CNTN6: variants seen among roughly 807,000 people sequenced by gnomAD.
CNTN6 encodes contactin 6.
CNTN6 carries 137 observed loss-of-function variants against 122.8 expected under a neutral mutation model. That is an observed-to-expected ratio of 1.12 (90% confidence interval 0.97 to 1.29). The LOEUF is 1.29. Among genes scored for constraint, CNTN6 ranks in the 50% most tolerant of loss-of-function variants. CNTN6 has a pLI of 0.00. For synonymous variants in CNTN6, 570 were observed against 426.0 expected, an observed-to-expected ratio of 1.34 and a Z score of -4.16; for missense variants, 1,634 against 1,223.4, an observed-to-expected ratio of 1.34 and a Z score of -5.01.
At chr3:1,321,622 T>A (rs1652100446) in intron 7 of CNTN6, 28 bp from the exon 8 acceptor site, 1 of 1,490,740 alleles carries the variant, frequency 6.7e-7, no homozygotes, top group African/African-American at 1.4e-5. Flanking sequence ...TAAACCGTCT[T>A]CTATTCTAAT....
intron 8 of CNTN6, among the ~76,000 whole-genome samples, chr3:1,323,239 T>C (rs1701104682): frequency 6.6e-6 from 1 of 151,780 alleles, no homozygotes; most frequent in Non-Finnish European, 1.5e-5. Flanking sequence ...TCAGTGATAC[T>C]ATAGGCAAAA....
intron 2 of CNTN6, among the ~76,000 whole-genome samples, chr3:1,200,263 G>A (rs1329449344): frequency 1.3e-5 from 2 of 152,112 alleles, no homozygotes; most frequent in East Asian, 3.9e-4. Flanking sequence ...CGAACTCCTT[G>A]CCTCAAGATA....
intron 5 of CNTN6, among the ~76,000 whole-genome samples, chr3:1,291,196 C>T (rs1212906070): frequency 6.6e-6 from 1 of 152,148 alleles, no homozygotes; most frequent in Non-Finnish European, 1.5e-5. Context: ...CCTCATAAAG[C>T]AGTTGCTGGC....
At chr3:1,250,001 C>T (rs994479108) in intron 4 of CNTN6, among the ~76,000 whole-genome samples, 3 of 151,818 alleles carry the variant, frequency 2.0e-5, no homozygotes, top group Non-Finnish European at 4.4e-5. Flanking sequence ...GAAAGCAATC[C>T]TATTGTTTTT....
chr3:1,166,137 CT>C (rs1482908797), intron 2 of CNTN6, among the ~76,000 whole-genome samples: 1 of 152,230 alleles, frequency 6.6e-6, no homozygotes, highest in Non-Finnish European at 1.5e-5. Flanking sequence ...TTGGCATCAA[CT>C]GTTCTAAGTA....
intron 2 of CNTN6, among the ~76,000 whole-genome samples, chr3:1,149,444 CAT>C (rs2092792580): frequency 6.6e-6 from 1 of 152,150 alleles, no homozygotes; most frequent in Non-Finnish European, 1.5e-5. Flanking sequence ...TTGTAAAGGA[CAT>C]ATATTTTATA....
At chr3:1,257,539 C>G (rs1280420455) in intron 4 of CNTN6, among the ~76,000 whole-genome samples, 2 of 152,100 alleles carry the variant, frequency 1.3e-5, no homozygotes, top group African/African-American at 4.8e-5. Context: ...CCCAACCTTG[C>G]TTCCCCACCC....
intron 3 of CNTN6, among the ~76,000 whole-genome samples, chr3:1,222,461 C>G (rs1355662497): frequency 6.6e-6 from 1 of 151,974 alleles, no homozygotes; most frequent in Non-Finnish European, 1.5e-5. Flanking sequence ...AAGACAGACA[C>G]ATAAATACAT....
intron 5 of CNTN6, among the ~76,000 whole-genome samples, chr3:1,279,162 A>G (rs1247064119): frequency 6.6e-6 from 1 of 152,204 alleles, no homozygotes; most frequent in African/African-American, 2.4e-5. Context: ...AAATCAAGCA[A>G]TAAATGCCAG....
intron 1 of CNTN6, among the ~76,000 whole-genome samples, chr3:1,105,533 C>T (rs544529226): frequency 1.3e-5 from 2 of 152,248 alleles, no homozygotes; most frequent in Admixed American, 1.3e-4. Flanking sequence ...CAAATGTACA[C>T]AGTGCAGCCG....
rs561595391 is a variant in CNTN6, at chr3:1,371,400, A to G, written c.1493-899A>G. Among the ~76,000 whole-genome samples the G allele has an allele frequency of 1.4e-4, 22 of 152,208 alleles. No individual in the cohort carries two copies. In the South Asian group the frequency reaches 4.4e-3, roughly 30 times the overall value. Reference sequence around the variant, plus strand: ...TTTATTCTTAAATGTAAATCTTTCAAAACAATTTATTCTTGGTAAGATGGT... The same window carrying G: ...TTTATTCTTAAATGTAAATCTTTCAGAACAATTTATTCTTGGTAAGATGGT... On this transcript the variant is annotated intron_variant, in intron 12 of 22. Transcript: ENST00000446702.
chr3:1,252,105 A>G (rs1205240844), intron 4 of CNTN6, among the ~76,000 whole-genome samples: 1 of 152,174 alleles, frequency 6.6e-6, no homozygotes, highest in Non-Finnish European at 1.5e-5. Context: ...TTTTGCTACA[A>G]AGTCCTGAAG....
intron 4 of CNTN6, among the ~76,000 whole-genome samples, chr3:1,234,851 T>TG (rs1240218627): frequency 6.6e-6 from 1 of 152,214 alleles, no homozygotes; most frequent in Non-Finnish European, 1.5e-5. Context: ...TTTGTCTTAA[T>TG]GAAATAACAG....
chr3:1,333,433 C>T (rs1702601268), intron 11 of CNTN6, among the ~76,000 whole-genome samples: 1 of 151,992 alleles, frequency 6.6e-6, no homozygotes, highest in Admixed American at 6.6e-5. Context: ...TCTACCATCT[C>T]ATACCTCTGT....
intron 11 of CNTN6, among the ~76,000 whole-genome samples, chr3:1,339,350 G>A (rs1000636697): frequency 2.6e-5 from 4 of 152,130 alleles, no homozygotes; most frequent in African/African-American, 9.7e-5. Context: ...TGATTCTCAA[G>A]TGTGACTTGC....
chr3:1,125,699 A>G (rs1322490355), intron 1 of CNTN6, among the ~76,000 whole-genome samples: 1 of 151,626 alleles, frequency 6.6e-6, no homozygotes, highest in Non-Finnish European at 1.5e-5. Flanking sequence ...TTTATGGGCT[A>G]GAAGTGTTTC....
rs189479753 is a variant in CNTN6, at chr3:1,112,844, C to G, written c.-83+19724C>G. 7.2e-5 allele frequency among the ~76,000 whole-genome samples: 11 copies of G among 152,116 alleles called. No individual in the cohort carries two copies. In the East Asian group the frequency reaches 1.5e-3, roughly 21 times the overall value. On this transcript the variant is annotated intron_variant, in intron 1 of 22. Transcript: ENST00000446702. ...CTCCCAGGCAGGTCACATAAATATT[C>G]AAAAGGCCATAGCATTAAGAAGTGA... is the stretch of plus-strand genomic sequence containing the variant.
chr3:1,298,356 A>T (rs1399587630), intron 7 of CNTN6: 2 of 160,990 alleles, frequency 1.2e-5, no homozygotes, highest in Non-Finnish European at 2.7e-5. Flanking sequence ...CTACATCCAG[A>T]AATACATTGC....
chr3:1,245,309 TATATATATATATA>T (rs2094564616), intron 4 of CNTN6, among the ~76,000 whole-genome samples: 2 of 14,528 alleles, frequency 1.4e-4, no homozygotes, highest in African/African-American at 2.8e-4. Flanking sequence ...TATATATATA[TATATATATATATA>T]TATATATATA....
Sources: gnomAD v4.1 joint callset for allele counts (sites outside exome capture counted in the v4.1 genomes callset) on GRCh38, gnomAD v4.1.1 for gene constraint, MANE v1.5 for transcripts, NCBI Gene and HGNC (gene_info 2026-07-23, HGNC 2026-07-21) for gene names.